BMP2K: variants seen among roughly 807,000 people sequenced by gnomAD.
The protein encoded by BMP2K is BMP2 inducible kinase, also known as BMP-2-inducible protein kinase.
A neutral mutation model predicts 116.0 loss-of-function variants in BMP2K; 74 were observed. The observed-to-expected ratio is 0.64, with a 90% CI of 0.53 to 0.77. The LOEUF is 0.77. Ranked by LOEUF, BMP2K falls within the 30% of genes least tolerant of loss-of-function variation. BMP2K has a pLI of 0.00. For synonymous variants in BMP2K, 486 were observed against 502.5 expected, an observed-to-expected ratio of 0.97 and a Z score of 0.44; for missense variants, 1,365 against 1,403.6, an observed-to-expected ratio of 0.97 and a Z score of 0.44.
At chr4:78,855,414 A>G (rs923833237) in intron 7 of BMP2K, among the ~76,000 whole-genome samples, 3 of 152,196 alleles carry the variant, frequency 2.0e-5, no homozygotes, top group Non-Finnish European at 2.9e-5. Context: ...ACTTCTATCC[A>G]GAGTATTTTC....
intron 5 of BMP2K, 70 bp downstream of exon 5, chr4:78,845,119 G>A: frequency 7.8e-7 from 1 of 1,284,788 alleles, no homozygotes; most frequent in South Asian, 1.4e-5. Context: ...GGCCAGCACT[G>A]CTAATACAAA....
At chr4:78,856,895 A>G (rs1731531609) in intron 7 of BMP2K, among the ~76,000 whole-genome samples, 1 of 152,142 alleles carries the variant, frequency 6.6e-6, no homozygotes, top group Admixed American at 6.6e-5. Flanking sequence ...TCTGAAAGAA[A>G]GATCATCAGA....
At chr4:78,788,709 T>TA (rs1356135533) in intron 1 of BMP2K, among the ~76,000 whole-genome samples, 3 of 151,724 alleles carry the variant, frequency 2.0e-5, no homozygotes, top group South Asian at 2.1e-4. Context: ...TTTTTTTTTT[T>TA]AAATATGTGT....
At chr4:78,842,212 G>GA (rs758288848) in intron 3 of BMP2K, among the ~76,000 whole-genome samples, 173 bp from the exon 4 acceptor site, 10 of 151,976 alleles carry the variant, frequency 6.6e-5, no homozygotes, top group Non-Finnish European at 1.0e-4. Flanking sequence ...TGTAAAATGT[G>GA]AAAAAATGTG....
chr4:78,891,436 G>A (rs1733431376), intron 15 of BMP2K, among the ~76,000 whole-genome samples: 1 of 152,078 alleles, frequency 6.6e-6, no homozygotes, highest in African/African-American at 2.4e-5. Context: ...GTATTTTCTT[G>A]CTGTATATGC....
intron 2 of BMP2K, among the ~76,000 whole-genome samples, chr4:78,830,041 A>C (rs1730134598): frequency 6.6e-6 from 1 of 151,458 alleles, no homozygotes; most frequent in Non-Finnish European, 1.5e-5. Flanking sequence ...TACCTGGCTA[A>C]TTTTTTTGTA....
intron 1 of BMP2K, among the ~76,000 whole-genome samples, chr4:78,806,856 T>A (rs886280964): frequency 5.3e-5 from 8 of 150,760 alleles, no homozygotes; most frequent in African/African-American, 1.7e-4. Flanking sequence ...TTTTTTTTTT[T>A]AAATATTTTT....
Position 78,912,779 on chromosome 4 carries a change from G to T in BMP2K, c.*746G>T, listed in dbSNP as rs1210838026. On this transcript the variant is annotated 3_prime_UTR_variant, in exon 16 of 16. Coordinates refer to ENST00000502613, the MANE Select transcript of BMP2K (RefSeq NM_198892.2). ...TCAGTTAAAACAAATTAAAAAAATG[G>T]ACTATCGTCGCACAGAAGCCTAGAA... 1 of 150,358 alleles carries T rather than the reference G, an allele frequency of 6.7e-6. No homozygotes were observed. The highest frequency in any genetic ancestry group is 1.5e-5 in the Non-Finnish European group (1 of 67,756). 9.3% of individuals were successfully genotyped at this position (150,358 alleles called of 1,614,324 possible).
Position 78,887,263 on chromosome 4 carries a change from G to T in BMP2K, c.2041G>T (p.Val681Phe). 2.5e-6 allele frequency: 4 copies of T among 1,608,558 alleles called. No homozygotes were observed. In the South Asian group the frequency reaches 3.3e-5, roughly 13 times the overall value. Residue 681 changes from valine to phenylalanine, a missense_variant, in exon 15 of 16, where the codon GTT becomes TTT. Transcript: ENST00000502613. ...TCCTCCAGAAGATCCTTTTGGTTCTGTTCCTTTCATTTCTCATTCAGGCAA... is the reference window on the plus strand; with the variant it reads ...TCCTCCAGAAGATCCTTTTGGTTCTTTTCCTTTCATTTCTCATTCAGGCAA... The part of the protein sequence containing the change: ...NHPPEDPFGS[V>F]PFISHSGSPE...
At chr4:78,843,414 G>A (rs1423256264) in intron 4 of BMP2K, among the ~76,000 whole-genome samples, 1 of 150,672 alleles carries the variant, frequency 6.6e-6, no homozygotes, top group Non-Finnish European at 1.5e-5. Context: ...CTCCATGAGG[G>A]CCAGGACTTT....
intron 15 of BMP2K, among the ~76,000 whole-genome samples, chr4:78,890,065 A>G (rs79524353): frequency 0.016 from 2,376 of 152,252 alleles, 18 homozygotes; most frequent in Non-Finnish European, 0.025. Context: ...AGATTAGTAT[A>G]TACTTTTTTC....
chr4:78,904,823 A>G (rs1734204194), intron 15 of BMP2K, among the ~76,000 whole-genome samples: 2 of 151,924 alleles, frequency 1.3e-5, no homozygotes, highest in African/African-American at 2.4e-5. Context: ...CAATAAGAGC[A>G]TAATTATTAT....
intron 15 of BMP2K, among the ~76,000 whole-genome samples, chr4:78,891,476 C>CT (rs1210596624): frequency 1.3e-5 from 2 of 152,078 alleles, no homozygotes; most frequent in African/African-American, 2.4e-5. Context: ...TCTTTCTGGA[C>CT]TTTCTTCTTT....
chr4:78,804,800 G>A (rs1478574603), intron 1 of BMP2K, among the ~76,000 whole-genome samples: 4 of 150,282 alleles, frequency 2.7e-5, no homozygotes, highest in East Asian at 1.9e-4. Flanking sequence ...AGGGATAAGC[G>A]TTCTTCATAG....
intron 7 of BMP2K, among the ~76,000 whole-genome samples, chr4:78,856,749 C>T (rs1392978713): frequency 2.0e-5 from 3 of 152,026 alleles, no homozygotes; most frequent in Non-Finnish European, 4.4e-5. Flanking sequence ...GGAGCCTGTT[C>T]CTCTGTTCCC....
At chr4:78,856,330 A>G (rs980575129) in intron 7 of BMP2K, among the ~76,000 whole-genome samples, 26 of 152,058 alleles carry the variant, frequency 1.7e-4, no homozygotes, top group African/African-American at 6.3e-4. Flanking sequence ...GATTACAGGC[A>G]AGAGTCACCA....
intron 1 of BMP2K, among the ~76,000 whole-genome samples, chr4:78,780,957 T>G (rs1353669789): frequency 3.3e-5 from 5 of 152,002 alleles, no homozygotes; most frequent in African/African-American, 1.2e-4. Flanking sequence ...ATGAAGAAAG[T>G]TAGGTAAAAA....
intron 1 of BMP2K, among the ~76,000 whole-genome samples, chr4:78,804,521 T>C (rs1445664205): frequency 6.6e-6 from 1 of 152,196 alleles, no homozygotes; most frequent in Non-Finnish European, 1.5e-5. Context: ...TATTTTTCCA[T>C]AATGGTTGCA....
intron 2 of BMP2K, among the ~76,000 whole-genome samples, chr4:78,828,386 A>T (rs1729982136): frequency 6.6e-6 from 1 of 152,208 alleles, no homozygotes; most frequent in Admixed American, 6.5e-5. Context: ...TCCCTCCAGG[A>T]ACCCTCACAT....
Sources: gnomAD v4.1 joint callset for allele counts (sites outside exome capture counted in the v4.1 genomes callset) on GRCh38, gnomAD v4.1.1 for gene constraint, MANE v1.5 for transcripts, NCBI Gene and HGNC (gene_info 2026-07-23, HGNC 2026-07-21) for gene names.